The following ZNF726 variants were observed in gnomAD, a reference collection of about 807,000 sequenced individuals.
ZNF726 encodes the protein zinc finger protein 726, also known as zinc finger protein 92 pseudogene 3.
A neutral mutation model predicts 11.6 loss-of-function variants in ZNF726; 15 were observed. The ratio of observed to expected loss-of-function variants is 1.29; its 90% CI spans 0.86 to 1.99. The LOEUF (loss-of-function observed/expected upper bound fraction) is 1.99, where lower values mean the gene tolerates loss of function less well. Ranked by LOEUF, ZNF726 falls within the 30% of genes most tolerant of loss-of-function variation. The pLI is 0.00. For synonymous variants in ZNF726, 295 were observed against 243.6 expected (o/e 1.21, Z -1.96); for missense variants, 890 against 725.6 (o/e 1.23, Z -2.60).
intron 3 of ZNF726, among the ~76,000 whole-genome samples, chr19:23,925,570 G>T (rs1385724589): frequency 6.6e-6 from 1 of 151,968 alleles, no homozygotes; most frequent in Non-Finnish European, 1.5e-5. Flanking sequence ...ATGAGTGTGA[G>T]GGGATTTTGT....
chr19:23,924,002 G>T (rs1228290573), intron 3 of ZNF726: 2 of 151,236 alleles, frequency 1.3e-5, no homozygotes, highest in African/African-American at 4.9e-5. Flanking sequence ...CTATAAATAT[G>T]ACCCCAATTT....
At chr19:23,940,851 T>C (rs958527118) in intron 3 of ZNF726, among the ~76,000 whole-genome samples, 1 of 152,172 alleles carries the variant, frequency 6.6e-6, no homozygotes, top group Non-Finnish European at 1.5e-5. Context: ...ATCCAGAAAC[T>C]GCTGAATTCT....
intron 1 of ZNF726, among the ~76,000 whole-genome samples, chr19:23,918,663 T>G (rs1967764377): frequency 6.6e-6 from 1 of 152,236 alleles, no homozygotes; most frequent in Admixed American, 6.5e-5. Context: ...GTTATTTTTC[T>G]CTTCATCATT....
chr19:23,923,739 T>G (rs567650120), intron 3 of ZNF726: 1 of 156,254 alleles, frequency 6.4e-6, no homozygotes, highest in African/African-American at 2.4e-5. Flanking sequence ...ATTGCAGTTA[T>G]CTAGACAAAT....
In ZNF726 at chr19:23,943,511, CCTGAT is replaced by C; in HGVS notation, c.252_256del (p.Ile85LeufsTer3). ...CAAAACAGGCCTTGCTGTCTCTAAC[CCTGAT>C]CTGATCTCCTGCCTTGAGCAAATAA... On this transcript the variant is annotated frameshift_variant, in exon 4 of 5. Coordinates refer to the ZNF726 transcript ENST00000334589. LOFTEE classifies it high-confidence loss of function. The C allele has an allele frequency of 1.5e-6, 1 of 663,232 alleles. No individual in the cohort carries two copies. Among genetic ancestry groups the C allele is most frequent in the East Asian group, 2.7e-5 (1 of 37,232 alleles). The allele number at this position is 663,232 out of a possible 1,614,324, so 41.1% of individuals were successfully genotyped here. A position where few individuals can be genotyped will look rare whatever the true frequency, so the allele number is the denominator to read the frequency against.
chr19:23,925,416 ACTC>A (rs1967961089), intron 3 of ZNF726, among the ~76,000 whole-genome samples: 1 of 151,964 alleles, frequency 6.6e-6, no homozygotes, highest in African/African-American at 2.4e-5. Context: ...CTGGTCTCAA[ACTC>A]CTGACGTCAG....
chr19:23,936,316 G>A (rs553590901), downstream of ZNF726: 9 of 152,222 alleles, frequency 5.9e-5, no homozygotes, highest in South Asian at 2.1e-4. Flanking sequence ...ACTAAAGTTC[G>A]TGTAAACATT....
Position 23,934,245 on chromosome 19 carries a change from G to A in ZNF726, c.*278G>A, listed in dbSNP as rs1968188422. 1.5e-6 allele frequency: 1 copy of A among 656,710 alleles called. No individual in the cohort carries two copies. Among genetic ancestry groups the A allele is most frequent in the Non-Finnish European group, 2.9e-6 (1 of 346,540 alleles). The allele number at this position is 656,710 out of a possible 1,614,324, so 40.7% of individuals were successfully genotyped here. On this transcript the variant is annotated 3_prime_UTR_variant, in exon 4 of 4. Coordinates refer to ENST00000594466, the MANE Select transcript of ZNF726 (RefSeq NM_001244038.2). ...CTACAAATGTGAAAAATGTGGCAAA[G>A]CATATGGTCCACACCCCTAAGTAGA...
rs1305817568 is a variant in ZNF726 at position 23,933,974 on chromosome 19, C to T, written c.*7C>T. The T allele has an allele frequency of 2.5e-6, 4 of 1,572,016 alleles. No homozygotes were observed. Among genetic ancestry groups the T allele is most frequent in the South Asian group, 1.1e-5 (1 of 86,976 alleles). On this transcript the variant is annotated 3_prime_UTR_variant, in exon 4 of 4. Coordinates refer to ENST00000594466, the MANE Select transcript of ZNF726 (RefSeq NM_001244038.2). Reference sequence around the variant, plus strand: ...TAAGAGGATTCATACTTGAGAGAAACCTTAAAAAGGGTAAAGAATGTGGCA... The same window carrying T: ...TAAGAGGATTCATACTTGAGAGAAATCTTAAAAAGGGTAAAGAATGTGGCA...
In ZNF726 at chr19:23,932,871, C is replaced by T; in HGVS notation, c.755C>T (p.Thr252Ile). 1 of 1,608,648 alleles carries T rather than the reference C, an allele frequency of 6.2e-7. No individual in the cohort carries two copies. Among genetic ancestry groups the T allele is most frequent in the South Asian group, 1.1e-5 (1 of 90,734 alleles). Residue 252 changes from threonine to isoleucine, a missense_variant, in exon 4 of 4, where the codon ACT (threonine) becomes ATT (isoleucine). Thr to Ile is a moderately conservative substitution (Grantham distance 89). Coordinates refer to ENST00000594466, the MANE Select transcript of ZNF726 (RefSeq NM_001244038.2). ...SNYTTHKVTH[T>I]GEKPYKCEEC... ...TATACTACACATAAGGTAACTCATA[C>T]TGGAGAGAAGCCTTACAAGTGTGAA... is the stretch of plus-strand genomic sequence containing the variant.
Position 23,933,727 on chromosome 19 carries a change from C to T in ZNF726, c.1611C>T (p.Tyr537=), listed in dbSNP as rs775745664. Reference sequence around the variant, plus strand: ...GGATTCACACTGGAGAGAAACCCTACAAATGTGAAGAATGTGGCAAAACTT... The same window carrying T: ...GGATTCACACTGGAGAGAAACCCTATAAATGTGAAGAATGTGGCAAAACTT... ...HKRIHTGEKP[Y]KCEECGKTFN... Residue 537 remains tyrosine, a synonymous_variant, in exon 4 of 4, where the codon TAC becomes TAT. Coordinates refer to ENST00000594466, the MANE Select transcript of ZNF726 (RefSeq NM_001244038.2). The T allele has an allele frequency of 8.1e-6, 13 of 1,612,400 alleles. No individual in the cohort carries two copies. In the East Asian group the frequency reaches 2.5e-4, roughly 30 times the overall value.
chr19:23,919,647 A>G (rs1322919751), intron 2 of ZNF726, 148 bp downstream of exon 2: 20 of 1,056,112 alleles, frequency 1.9e-5, no homozygotes, highest in Non-Finnish European at 2.4e-5. Flanking sequence ...TTTCTTCAAG[A>G]TGTTTCATCC....
chr19:23,922,356 G>A (rs1051782022), intron 3 of ZNF726, among the ~76,000 whole-genome samples: 3 of 152,176 alleles, frequency 2.0e-5, no homozygotes, highest in Admixed American at 6.5e-5. Flanking sequence ...GCCATGAACT[G>A]TGGCTCAGGG....
chr19:23,941,845 A>C (rs1436327069), intron 3 of ZNF726, among the ~76,000 whole-genome samples: 1 of 152,016 alleles, frequency 6.6e-6, no homozygotes, highest in African/African-American at 2.4e-5. Flanking sequence ...CAGTGAGGTT[A>C]TTTGGATTTT....
At chr19:23,937,371 G>C (rs1453735250), downstream of ZNF726, among the ~76,000 whole-genome samples, 8 of 150,642 alleles carry the variant, frequency 5.3e-5, no homozygotes, top group South Asian at 1.7e-3. Context: ...GGGCGGAGGG[G>C]CTCCTCACTT....
intron 1 of ZNF726, 62 bp from the exon 2 acceptor site, chr19:23,919,311 T>G (rs997019834): frequency 1.3e-6 from 2 of 1,580,038 alleles, no homozygotes; most frequent in African/African-American, 2.7e-5. Context: ...TTACCTTGAG[T>G]CAAATGAAAA....
chr19:23,927,744 A>G (rs1053365463), intron 3 of ZNF726: 1 of 152,198 alleles, frequency 6.6e-6, no homozygotes, highest in Non-Finnish European at 1.5e-5. Context: ...GGTCTCTCTA[A>G]GTGTTGGGAT....
chr19:23,915,112 G>A (rs1271445739), intron 1 of ZNF726, 115 bp downstream of exon 1: 2 of 1,512,262 alleles, frequency 1.3e-6, no homozygotes, highest in South Asian at 1.1e-5. Context: ...ATCTGCGCCC[G>A]AGTTGTTGCC....
At chr19:23,939,784 AC>A (rs1423854196) in intron 3 of ZNF726, among the ~76,000 whole-genome samples, 2 of 149,074 alleles carry the variant, frequency 1.3e-5, no homozygotes, top group Non-Finnish European at 3.0e-5. Context: ...GTGATGTTGA[AC>A]TTTTTAAATG....
Sources: gnomAD v4.1 joint callset for allele counts (sites outside exome capture counted in the v4.1 genomes callset) on GRCh38, gnomAD v4.1.1 for gene constraint, MANE v1.5 for transcripts, NCBI Gene and HGNC (gene_info 2026-07-23, HGNC 2026-07-21) for gene names.